The following DCDC1 variants were observed in gnomAD, a reference collection of about 807,000 sequenced individuals.
The protein encoded by DCDC1 is doublecortin domain containing 1, also known as doublecortin domain-containing protein 1.
A neutral mutation model predicts 178.3 loss-of-function variants in DCDC1; 200 were observed. That is an observed-to-expected ratio of 1.12 (90% CI 1.00 to 1.26). The LOEUF is 1.26. Among genes scored for constraint, DCDC1 ranks in the 50% most tolerant of loss-of-function variants. The probability of loss-of-function intolerance (pLI) is 0.00; values close to 1 mark genes in which losing one functional copy is unlikely to be tolerated. For missense variants in DCDC1, 1,983 were observed against 1,749.2 expected (o/e 1.13, Z -2.38); for synonymous variants, 690 against 604.8 (o/e 1.14, Z -2.07).
rs188069855 is a variant in DCDC1 at position 31,183,758 on chromosome 11, C to G, written c.1222-45974G>C. Among the ~76,000 whole-genome samples, 131 of 152,270 alleles carry G rather than the reference C, an allele frequency of 8.6e-4. 1 individual carries two copies. Among genetic ancestry groups the G allele is most frequent in the Middle Eastern group, 3.4e-3 (1 of 294 alleles). ...CCTCTTCAAGGAGAACTACAAACCA[C>G]TGCTTAAGGAAATAAGAGCAGACAC... On this transcript the variant is annotated intron_variant, in intron 9 of 38. Transcript: ENST00000684477.
At chr11:31,031,840 T>C (rs1485450146) in intron 20 of DCDC1, among the ~76,000 whole-genome samples, 1 of 152,138 alleles carries the variant, frequency 6.6e-6, no homozygotes, top group East Asian at 1.9e-4. Flanking sequence ...GTAGAGCCTG[T>C]AACTCTAAAA....
intron 27 of DCDC1, among the ~76,000 whole-genome samples, chr11:30,914,023 G>T (rs1193364208): frequency 1.3e-5 from 2 of 152,188 alleles, no homozygotes; most frequent in African/African-American, 4.8e-5. Context: ...AGCTCCATAA[G>T]AGTAAAGATT....
At chr11:31,255,501 G>A (rs1221707594) in intron 8 of DCDC1, among the ~76,000 whole-genome samples, 1 of 152,176 alleles carries the variant, frequency 6.6e-6, no homozygotes, top group South Asian at 2.1e-4. Context: ...ATGTGTGTGT[G>A]AGTTTTATTA....
chr11:30,927,524 G>A (rs912128512), intron 22 of DCDC1, among the ~76,000 whole-genome samples: 8 of 152,266 alleles, frequency 5.3e-5, no homozygotes, highest in African/African-American at 1.9e-4. Context: ...ACAAGCCTTG[G>A]AGAAGGACAG....
At chr11:30,961,179 A>G (rs1053709219) in intron 20 of DCDC1, among the ~76,000 whole-genome samples, 4 of 152,210 alleles carry the variant, frequency 2.6e-5, no homozygotes, top group South Asian at 2.1e-4. Context: ...TGGAACTACA[A>G]CTATGAAAAT....
At position 31,306,320 on chromosome 11, in the gene DCDC1, T is replaced by C; in HGVS notation, c.503A>G (p.Lys168Arg). 5 of 1,610,968 alleles carry C rather than the reference T, an allele frequency of 3.1e-6. No individual in the cohort carries two copies. The highest frequency in any genetic ancestry group is 4.2e-6 in the Non-Finnish European group (5 of 1,178,430). Residue 168 changes from lysine to arginine, a missense_variant, in exon 5 of 39, where the codon AAA becomes AGA. Lys to Arg is a conservative substitution (Grantham distance 26). Transcript: ENST00000684477. ...TACTTTAATCACTCTTGGTTGAAGT[T>C]TGTGTCTTTGAGACAATTTCTGCCA... Reference protein sequence around the residue: ...RNWQKLSQRHKLQPRVIKVTA... With the variant: ...RNWQKLSQRHRLQPRVIKVTA...
At chr11:30,957,772 C>T (rs543884893) in intron 20 of DCDC1, among the ~76,000 whole-genome samples, 15 of 152,244 alleles carry the variant, frequency 9.9e-5, no homozygotes, top group African/African-American at 3.4e-4. Context: ...GTGGTAATAT[C>T]CTTCATGACA....
chr11:30,951,916 A>G (rs1191297659), intron 21 of DCDC1, among the ~76,000 whole-genome samples: 1 of 152,188 alleles, frequency 6.6e-6, no homozygotes, highest in Non-Finnish European at 1.5e-5. Context: ...GAAAAGACCA[A>G]ATACTTTAGA....
At chr11:31,362,615 C>T (rs745953652) in intron 1 of DCDC1, among the ~76,000 whole-genome samples, 9 of 152,154 alleles carry the variant, frequency 5.9e-5, no homozygotes, top group African/African-American at 1.7e-4. Flanking sequence ...TTGTCTGTTA[C>T]TTTAACTATC....
At position 30,863,823 on chromosome 11, in the gene DCDC1, T is replaced by C. The variant is rs1302415109; in HGVS notation, c.*1550A>G. ...AAAGTTCTGTGACAAACATCCACAG[T>C]TCTGTGCACAAACATTTTTTGGGCT... On this transcript the variant is annotated 3_prime_UTR_variant, in exon 39 of 39. Coordinates refer to ENST00000684477, the MANE Select transcript of DCDC1 (RefSeq NM_001387274.1). 6.6e-6 allele frequency: 1 copy of C among 152,198 alleles called. No homozygotes were observed. The highest frequency in any genetic ancestry group is 1.5e-5 in the Non-Finnish European group (1 of 68,022). 9.4% of individuals were successfully genotyped at this position (152,198 alleles called of 1,614,324 possible). A position where few individuals can be genotyped will look rare whatever the true frequency, so the allele number is the denominator to read the frequency against.
rs1590858712 is a variant in DCDC1 at position 31,044,215 on chromosome 11, C to T, written c.2591+20254G>A. 4.6e-5 allele frequency among the ~76,000 whole-genome samples: 7 copies of T among 152,186 alleles called. 1 individual carries two copies. The highest frequency in any genetic ancestry group is 4.6e-4 in the Admixed American group (7 of 15,300). On this transcript the variant is annotated intron_variant, in intron 20 of 38. Coordinates refer to ENST00000684477, the MANE Select transcript of DCDC1 (RefSeq NM_001387274.1). ...AACAGGGGCCGGGCACGGTGGCTCA[C>T]GCCTGTAATCCCAGCACTTTGGGAG...
intron 20 of DCDC1, among the ~76,000 whole-genome samples, chr11:31,000,114 C>T (rs952239339): frequency 5.9e-5 from 9 of 152,140 alleles, no homozygotes; most frequent in African/African-American, 1.7e-4. Context: ...CATATTAGGG[C>T]ATCTAAAAAA....
At chr11:31,301,043 A>G in intron 6 of DCDC1, among the ~76,000 whole-genome samples, 1 of 152,228 alleles carries the variant, frequency 6.6e-6, no homozygotes, top group East Asian at 1.9e-4. Context: ...CCTATTTTAT[A>G]TACCAAGGAT....
At chr11:31,186,567 GC>G (rs1429128901) in intron 9 of DCDC1, among the ~76,000 whole-genome samples, 3 of 152,148 alleles carry the variant, frequency 2.0e-5, no homozygotes, top group Admixed American at 2.0e-4. Context: ...CAGTCATAAA[GC>G]CCTGACCATG....
chr11:31,180,844 T>C (rs542828959), intron 9 of DCDC1, among the ~76,000 whole-genome samples: 6 of 151,536 alleles, frequency 4.0e-5, no homozygotes, highest in African/African-American at 9.7e-5. Flanking sequence ...CCAGTGGCAA[T>C]TGGAACACCA....
intron 8 of DCDC1, among the ~76,000 whole-genome samples, chr11:31,244,459 A>G (rs1977586186): frequency 1.3e-5 from 2 of 151,774 alleles, no homozygotes; most frequent in Middle Eastern, 3.4e-3. Flanking sequence ...TCAAACTACT[A>G]TGTAGAAATA....
chr11:31,128,691 C>A (rs1961994711), intron 10 of DCDC1, among the ~76,000 whole-genome samples: 1 of 152,042 alleles, frequency 6.6e-6, no homozygotes, highest in Non-Finnish European at 1.5e-5. Flanking sequence ...AGACTTTGCA[C>A]AGGTAATAAA....
intron 15 of DCDC1, among the ~76,000 whole-genome samples, chr11:31,095,074 G>C (rs1326867042): frequency 1.3e-5 from 2 of 152,078 alleles, no homozygotes; most frequent in Non-Finnish European, 2.9e-5. Context: ...TTAGTTTGCT[G>C]AGAATGATGG....
intron 1 of DCDC1, among the ~76,000 whole-genome samples, chr11:31,345,221 A>G (rs996340277): frequency 6.6e-6 from 1 of 152,228 alleles, no homozygotes; most frequent in Admixed American, 6.5e-5. Flanking sequence ...AGAGTAGCCT[A>G]TAAAAAACTT....
Sources: gnomAD v4.1 joint callset for allele counts (sites outside exome capture counted in the v4.1 genomes callset) on GRCh38, gnomAD v4.1.1 for gene constraint, MANE v1.5 for transcripts, NCBI Gene and HGNC (gene_info 2026-07-23, HGNC 2026-07-21) for gene names.